The following KIF18B variants were observed in gnomAD, a reference collection of about 807,000 sequenced individuals.
KIF18B encodes kinesin-like protein KIF18B.
Under a neutral mutation model 80.9 loss-of-function variants are expected in KIF18B, and 49 were observed. The observed-to-expected ratio is 0.61, with a 90% confidence interval of 0.48 to 0.77. The LOEUF (loss-of-function observed/expected upper bound fraction) is 0.77. KIF18B is among the 30% of genes least tolerant of loss of function. The pLI is 0.00. For missense variants in KIF18B, 994 were observed against 1,127.7 expected, an observed-to-expected ratio of 0.88 and a Z score of 1.70; for synonymous variants, 439 against 463.9, an observed-to-expected ratio of 0.95 and a Z score of 0.69.
intron 1 of KIF18B, among the ~76,000 whole-genome samples, chr17:44,942,128 CT>C (rs2052432513): frequency 6.6e-6 from 1 of 152,220 alleles, no homozygotes; most frequent in African/African-American, 2.4e-5. Flanking sequence ...AGCTACCGAT[CT>C]GCTCCCGCCC....
Position 44,932,166 on chromosome 17 carries a change from G to A in KIF18B, c.1279C>T (p.Leu427Phe). The A allele has an allele frequency of 6.2e-7, 1 of 1,613,556 alleles. No individual in the cohort carries two copies. Among genetic ancestry groups the A allele is most frequent in the Admixed American group, 1.7e-5 (1 of 59,950 alleles). ...TCCATCCCCAGACTCTCCTCTTGAA[G>A]GGCTCTAGGCCCTGCAGGGAGCTCT... is the stretch of plus-strand genomic sequence containing the variant. Reference protein sequence around the residue: ...TPELPAGPRALQEESLGMEAQ... With the variant: ...TPELPAGPRAFQEESLGMEAQ... Residue 427 changes from leucine (L) to phenylalanine (F), a missense_variant, in exon 10 of 16, where the codon CTT becomes TTT. Leu to Phe is a conservative substitution (Grantham distance 22). Coordinates refer to ENST00000593135, the MANE Select transcript of KIF18B (RefSeq NM_001265577.2).
Position 44,932,928 on chromosome 17 carries a change from T to G in KIF18B, c.1121A>C (p.Gln374Pro). 1 of 1,606,508 alleles carries G rather than the reference T, an allele frequency of 6.2e-7. No individual in the cohort carries two copies. The highest frequency in any genetic ancestry group is 1.1e-5 in the South Asian group (1 of 90,864). The part of the protein sequence containing the change: ...CHISQYATIC[Q>P]QLQAEVAALR... Reference sequence around the variant, plus strand: ...GCTCCTCACCTCAGCCTGGAGCTGTTGGCAGATGGTAGCATACTGGCTGAT... The same window carrying G: ...GCTCCTCACCTCAGCCTGGAGCTGTGGGCAGATGGTAGCATACTGGCTGAT... Residue 374 changes from glutamine (Q) to proline (P), a missense_variant, in exon 8 of 16, where the codon CAA (glutamine) becomes CCA (proline). By Grantham distance (76) the Gln-to-Pro change is moderately conservative (BLOSUM62 -1). Coordinates refer to ENST00000593135, the MANE Select transcript of KIF18B (RefSeq NM_001265577.2).
At position 44,935,256 on chromosome 17, in the gene KIF18B, G is replaced by A. The variant is rs763905929; in HGVS notation, c.471+3C>T. 1.4e-5 allele frequency: 22 copies of A among 1,598,672 alleles called. No homozygotes were observed. Among genetic ancestry groups the A allele is most frequent in the African/African-American group, 1.3e-4 (10 of 74,542 alleles). On this transcript the variant is annotated splice_donor_region_variant and intron_variant, in intron 3 of 15. Transcript: ENST00000593135. ...AACAAGGCCCAGGGCAGGGGCAGCC[G>A]ACCTCCTGGTAGCTGATGAGCACCT...
Position 44,936,377 on chromosome 17 carries a change from A to T in KIF18B, c.-14-19T>A. 1.3e-6 allele frequency: 2 copies of T among 1,571,576 alleles called. No individual in the cohort carries two copies. Among genetic ancestry groups the T allele is most frequent in the Non-Finnish European group, 1.7e-6 (2 of 1,160,154 alleles). On this transcript the variant is annotated intron_variant, in intron 1 of 15. Transcript: ENST00000593135. ...GTGACACCTGGGTGAGACATGGTGG[A>T]GCTGAGGACCAATCCCACCCCAGGC...
chr17:44,940,639 C>T (rs1329848762), intron 1 of KIF18B, among the ~76,000 whole-genome samples: 1 of 152,148 alleles, frequency 6.6e-6, no homozygotes, highest in Non-Finnish European at 1.5e-5. Context: ...GATATATTGA[C>T]AGGGGTGAGG....
intron 11 of KIF18B, 87 bp from the exon 12 acceptor site, chr17:44,929,111 C>T: frequency 8.2e-7 from 1 of 1,217,580 alleles, no homozygotes; most frequent in Non-Finnish European, 1.2e-6. Context: ...CTCATCACTC[C>T]AGCTGTGGTT....
Position 44,928,155 on chromosome 17 carries a change from G to A in KIF18B, c.2147C>T (p.Pro716Leu), listed in dbSNP as rs745989827. ...MQNCSTPLAL[P>L]TRDLNATFDL... is the part of the protein sequence containing the mutation. ...AAAGGTGGCATTGAGGTCTCGAGTG[G>A]GCAGAGCCAGCGGGGTGGAGCAGTT... The change falls in exon 13 of 16, where the codon CCC becomes CTC. Residue 716 changes from proline (P) to leucine (L), a missense_variant. Pro to Leu is a moderately conservative substitution (Grantham distance 98, BLOSUM62 -3). Transcript: ENST00000593135. The A allele has an allele frequency of 1.2e-6, 2 of 1,609,234 alleles. No homozygotes were observed. The highest frequency in any genetic ancestry group is 1.7e-6 in the Non-Finnish European group (2 of 1,177,584).
At chr17:44,944,861 T>G (rs147771935) in intron 1 of KIF18B, among the ~76,000 whole-genome samples, 10 of 152,336 alleles carry the variant, frequency 6.6e-5, no homozygotes, top group African/African-American at 2.2e-4. Context: ...AAAAGAATGT[T>G]CCATTGCCGT....
intron 10 of KIF18B, 92 bp downstream of exon 10, chr17:44,931,964 A>C: frequency 7.2e-7 from 1 of 1,397,984 alleles, no homozygotes. Flanking sequence ...GACGGGACTA[A>C]AGGGACTCTG....
chr17:44,939,411 T>C (rs1021779722), intron 1 of KIF18B, among the ~76,000 whole-genome samples: 11 of 149,758 alleles, frequency 7.3e-5, no homozygotes, highest in African/African-American at 2.7e-4. Flanking sequence ...AATTTGTTTC[T>C]GGACTTTCTC....
In KIF18B at chr17:44,934,468, T is replaced by C. The variant is rs753158553; in HGVS notation, c.688-38A>G. 6.2e-7 allele frequency: 1 copy of C among 1,605,044 alleles called. No individual in the cohort carries two copies. The highest frequency in any genetic ancestry group is 8.5e-7 in the Non-Finnish European group (1 of 1,174,544). On this transcript the variant is annotated intron_variant, in intron 5 of 15. Transcript: ENST00000593135. This position sits in a 1 kb window ranked among gnomAD's most constrained non-coding sequence, Gnocchi z 5.4. ...GGCAGGGGTGAGGGGGAGATGGGCA[T>C]CAGGGGCACTGGTTTCAGGCTCTGA... is the stretch of plus-strand genomic sequence containing the variant.
chr17:44,928,737 GC>G, intron 12 of KIF18B, 81 bp downstream of exon 12: 1 of 1,459,356 alleles, frequency 6.9e-7, no homozygotes. Flanking sequence ...AGCAACTGAG[GC>G]CCCTGGACAC....
rs1234605763 is a variant in KIF18B at position 44,934,098 on chromosome 17, C to G, written c.887G>C (p.Gly296Ala). The G allele has an allele frequency of 1.9e-6, 3 of 1,612,140 alleles. No homozygotes were observed. Among genetic ancestry groups the G allele is most frequent in the Non-Finnish European group, 2.5e-6 (3 of 1,179,262 alleles). The change falls in exon 7 of 16, where the codon GGC becomes GCC. Residue 296 changes from glycine (G) to alanine (A), a missense_variant and splice_region_variant. By Grantham distance (60) the Gly-to-Ala change is moderately conservative. Coordinates refer to ENST00000593135, the MANE Select transcript of KIF18B (RefSeq NM_001265577.2). This position sits in a 1 kb window ranked among gnomAD's most constrained non-coding sequence, Gnocchi z 5.4. ...NVLNALADAK[G>A]RKTHVPYRDS... ...CCGGTAGGGCACATGGGTCTTGCGGCCCTGGGGGGCAGTAAGCAGGTGTGG... is the reference window on the plus strand; with the variant it reads ...CCGGTAGGGCACATGGGTCTTGCGGGCCTGGGGGGCAGTAAGCAGGTGTGG...
intron 1 of KIF18B, 50 bp from the exon 2 acceptor site, chr17:44,936,408 C>G (rs760321267): frequency 1.3e-6 from 2 of 1,510,326 alleles, no homozygotes; most frequent in Admixed American, 2.1e-5. Flanking sequence ...CAGGCCTGAC[C>G]AGGTGCCCCC....
At position 44,936,019 on chromosome 17, in the gene KIF18B, C is replaced by T. The variant is rs377667847; in HGVS notation, c.313+13G>A. ...GAGGCCAGGCCACTGCCAGGCAGGG[C>T]TGAGGTTCTCACCTGAGCAGTTGTA... On this transcript the variant is annotated intron_variant, in intron 2 of 15. Transcript: ENST00000593135. 123 of 1,612,522 alleles carry T rather than the reference C, an allele frequency of 7.6e-5. 1 individual carries two copies. In the Middle Eastern group the frequency reaches 2.0e-3, roughly 26 times the overall value.
chr17:44,933,643 C>T (rs2052208514), intron 7 of KIF18B, among the ~76,000 whole-genome samples: 1 of 152,138 alleles, frequency 6.6e-6, no homozygotes, highest in African/African-American at 2.4e-5. Context: ...CAGGTGCCCA[C>T]CACCATGCCC....
intron 1 of KIF18B, among the ~76,000 whole-genome samples, chr17:44,938,606 G>T (rs9635723): frequency 0.45 from 67,721 of 151,596 alleles, 15,025 homozygotes; most frequent in African/African-American, 0.48. Context: ...AATTTTTTTT[G>T]TGTGTGTGAA....
At chr17:44,940,003 A>G (rs954005472) in intron 1 of KIF18B, among the ~76,000 whole-genome samples, 1 of 151,710 alleles carries the variant, frequency 6.6e-6, no homozygotes. Flanking sequence ...GGGGTCTCCA[A>G]CTCCTGACCT....
In KIF18B at chr17:44,926,475, G is replaced by T; in HGVS notation, c.2391C>A (p.Ser797Arg). ...VASSSVSHGR[S>R]RIARLPSSTL... ...TGCTGCTGGGGAGGCGGGCGATGCG[G>T]CTGCGGCCATGGGAGACTGAGGAAC... Residue 797 changes from serine to arginine, a missense_variant, in exon 15 of 16, where the codon AGC becomes AGA. Ser to Arg is a moderately radical substitution (Grantham distance 110, BLOSUM62 -1). Coordinates refer to ENST00000593135, the MANE Select transcript of KIF18B (RefSeq NM_001265577.2). 6.3e-7 allele frequency: 1 copy of T among 1,589,606 alleles called. No individual in the cohort carries two copies. The highest frequency in any genetic ancestry group is 1.8e-5 in the Admixed American group (1 of 54,956).
Sources: gnomAD v4.1 joint callset for allele counts (sites outside exome capture counted in the v4.1 genomes callset) on GRCh38, gnomAD v4.1.1 for gene constraint, Gnocchi (gnomAD v3.1) non-coding constraint, MANE v1.5 for transcripts, NCBI Gene and HGNC (gene_info 2026-07-23, HGNC 2026-07-21) for gene names.